The following ADCY9 variants were observed in gnomAD, a reference collection of about 807,000 sequenced individuals.
ADCY9 encodes the protein adenylate cyclase 9.
Under a neutral mutation model 101.5 loss-of-function variants are expected in ADCY9, and 50 were observed. The ratio of observed to expected loss-of-function variants is 0.49; its 90% CI spans 0.39 to 0.62. The LOEUF (loss-of-function observed/expected upper bound fraction) is 0.62. ADCY9 is among the 20% of genes least tolerant of loss of function. ADCY9 has a pLI of 0.00. For synonymous variants in ADCY9, 905 were observed against 769.3 expected (o/e 1.18, Z -2.92); for missense variants, 1,662 against 1,800.4 (o/e 0.92, Z 1.39).
chr16:4,083,655 A>T (rs901019659), intron 2 of ADCY9, among the ~76,000 whole-genome samples: 1 of 152,248 alleles, frequency 6.6e-6, no homozygotes, highest in African/African-American at 2.4e-5. Flanking sequence ...AACAAAACGC[A>T]ATGGAATATT....
chr16:4,075,029 TAGCCAGCTA>T (rs2056858274), intron 2 of ADCY9, among the ~76,000 whole-genome samples: 1 of 151,962 alleles, frequency 6.6e-6, no homozygotes, highest in Non-Finnish European at 1.5e-5. Context: ...ATAGAAAAAT[TAGCCAGCTA>T]TGGTGGTGCA....
chr16:4,090,707 AT>A (rs935005002), intron 2 of ADCY9, among the ~76,000 whole-genome samples: 77 of 144,334 alleles, frequency 5.3e-4, no homozygotes, highest in South Asian at 1.3e-3. Context: ...AGTTGTTGAG[AT>A]TTTTTTTTTT....
intron 7 of ADCY9, 134 bp from the exon 8 acceptor site, chr16:3,979,409 G>C (rs1347256684): frequency 5.8e-6 from 6 of 1,038,322 alleles, no homozygotes; most frequent in Non-Finnish European, 7.0e-6. Context: ...CGTGAGAGCA[G>C]GCGTGGGGTG....
intron 2 of ADCY9, among the ~76,000 whole-genome samples, chr16:4,111,547 T>G (rs1201159334): frequency 6.6e-6 from 1 of 152,176 alleles, no homozygotes. Flanking sequence ...CAATTTAGCT[T>G]TGTAAGGACA....
rs575267328 is a variant in ADCY9 at position 4,024,947 on chromosome 16, A to G, written c.1694-17389T>C. Among the ~76,000 whole-genome samples the G allele has an allele frequency of 5.9e-5, 9 of 152,232 alleles. No individual in the cohort carries two copies. In the East Asian group the frequency reaches 1.7e-3, roughly 29 times the overall value. On this transcript the variant is annotated intron_variant, in intron 2 of 10. Transcript: ENST00000294016. ...GAAGGGAGCTCAGGGCCAGAGATCC[A>G]CTGTCCATAATATCACCAGGGAGAA...
In ADCY9 at chr16:3,976,792, C is replaced by T. The variant is rs143012653; in HGVS notation, c.2828+690G>A. On this transcript the variant is annotated intron_variant, in intron 9 of 10. Transcript: ENST00000294016. ...CCTACCTCAGCCTCCCAAGTAGCTG[C>T]GATTACAGGTGCACGCCCCCATGCC... Among the ~76,000 whole-genome samples, 700 of 152,208 alleles carry T rather than the reference C, an allele frequency of 4.6e-3. 8 individuals are homozygous for T. Among genetic ancestry groups the T allele is most frequent in the African/African-American group, 0.016 (676 of 41,534 alleles).
chr16:4,026,385 T>C (rs1043884258), intron 2 of ADCY9, among the ~76,000 whole-genome samples: 2 of 143,466 alleles, frequency 1.4e-5, no homozygotes, highest in African/African-American at 2.6e-5. Flanking sequence ...GATCACGCCA[T>C]TGCACTCCAG....
chr16:4,115,389 G>C lies in ADCY9; in HGVS notation c.54C>G (p.Ser18Arg). Residue 18 changes from serine (S) to arginine (R), a missense_variant, in exon 2 of 11, where the codon AGC becomes AGG. Around this residue, in one of 5 missense-constraint regions of ADCY9, gnomAD observed 422 missense variants for 392.0 expected, o/e 1.08. Coordinates refer to ENST00000294016, the MANE Select transcript of ADCY9 (RefSeq NM_001116.4). This position sits in a 1 kb window ranked among gnomAD's most constrained non-coding sequence, Gnocchi z 6.2. The stretch of plus-strand genomic sequence containing the variant: ...TGTTGCTGTCCCCGCTGGAGTCGCA[G>C]CTCACCTCGGTGCTGTGGTGATGCA... ...QLLHHHSTEV[S>R]CDSSGDSNSV... is the part of the protein sequence containing the mutation. 1 of 1,595,610 alleles carries C rather than the reference G, an allele frequency of 6.3e-7. No individual in the cohort carries two copies. Among genetic ancestry groups the C allele is most frequent in the Non-Finnish European group, 8.5e-7 (1 of 1,171,812 alleles).
intron 3 of ADCY9, among the ~76,000 whole-genome samples, chr16:4,006,188 C>T (rs918955270): frequency 2.6e-4 from 39 of 152,226 alleles, no homozygotes; most frequent in East Asian, 3.9e-4. Context: ...GAGTAGGGTA[C>T]GGGTGGGTAT....
At chr16:3,971,376 T>A (rs369543433) in intron 10 of ADCY9, among the ~76,000 whole-genome samples, 1 of 152,146 alleles carries the variant, frequency 6.6e-6, no homozygotes, top group African/African-American at 2.4e-5. Context: ...AGAGAGCAGA[T>A]TGCGGAGTCC....
At chr16:4,026,754 C>T (rs933501036) in intron 2 of ADCY9, among the ~76,000 whole-genome samples, 6 of 152,124 alleles carry the variant, frequency 3.9e-5, no homozygotes, top group African/African-American at 9.7e-5. Context: ...AGGGTACATG[C>T]TGTGTGGTTC....
At chr16:3,961,448 CAA>C (rs768911940), downstream of ADCY9, among the ~76,000 whole-genome samples, 3 of 125,344 alleles carry the variant, frequency 2.4e-5, no homozygotes, top group African/African-American at 2.9e-5. Flanking sequence ...ACCCTGTCTC[CAA>C]AAAAAAAAAA....
chr16:4,036,098 C>T, intron 2 of ADCY9, among the ~76,000 whole-genome samples: 1 of 144,942 alleles, frequency 6.9e-6, no homozygotes, highest in Non-Finnish European at 1.5e-5. Context: ...GATGCCAGAG[C>T]TGTGATCTTC....
chr16:3,981,244 G>C (rs1011195348), intron 7 of ADCY9, among the ~76,000 whole-genome samples: 8 of 152,234 alleles, frequency 5.3e-5, no homozygotes, highest in African/African-American at 1.9e-4. Flanking sequence ...CCTCACCCCA[G>C]CCCTCGGCAG....
chr16:4,077,864 G>C (rs751524124), intron 2 of ADCY9, among the ~76,000 whole-genome samples: 2 of 151,446 alleles, frequency 1.3e-5, no homozygotes, highest in Admixed American at 6.6e-5. Flanking sequence ...TTAGCCAGGC[G>C]TGGTGGTGCA....
At chr16:4,053,821 T>C (rs1417144317) in intron 2 of ADCY9, among the ~76,000 whole-genome samples, 2 of 152,088 alleles carry the variant, frequency 1.3e-5, no homozygotes, top group Non-Finnish European at 2.9e-5. Flanking sequence ...CCCAGACGAC[T>C]CTTTCTCGGT....
At chr16:4,083,046 A>G (rs1385497259) in intron 2 of ADCY9, among the ~76,000 whole-genome samples, 1 of 152,244 alleles carries the variant, frequency 6.6e-6, no homozygotes, top group African/African-American at 2.4e-5. Flanking sequence ...CAAAGACAGC[A>G]GAGAGCAAAG....
chr16:4,083,389 G>A (rs1567141370), intron 2 of ADCY9, among the ~76,000 whole-genome samples: 1 of 152,000 alleles, frequency 6.6e-6, no homozygotes, highest in Non-Finnish European at 1.5e-5. Context: ...GGGAAATCAG[G>A]GCCCGCACAC....
chr16:3,982,878 C>T, intron 7 of ADCY9: 1 of 276,918 alleles, frequency 3.6e-6, no homozygotes, highest in South Asian at 8.9e-5. Context: ...CCTGCTGTCC[C>T]AGGCCCACTA....
Sources: allele counts gnomAD v4.1 joint callset (sites outside exome capture counted in the v4.1 genomes callset), GRCh38; gene constraint gnomAD v4.1.1; regional missense constraint gnomAD v4.1.1; non-coding constraint Gnocchi (gnomAD v3.1); transcripts MANE v1.5; gene names NCBI Gene and HGNC (gene_info 2026-07-23, HGNC 2026-07-21).